Variants in CELF1 observed in about 807,000 individuals in gnomAD.
CELF1 encodes CUGBP Elav-like family member 1, also known as 50 kDa nuclear polyadenylated RNA-binding protein.
Under a neutral mutation model 61.8 loss-of-function variants are expected in CELF1, and 10 were observed. The observed-to-expected ratio is 0.16, with a 90% CI of 0.10 to 0.27. The LOEUF is 0.27. Ranked by LOEUF, CELF1 falls within the 10% of genes least tolerant of loss-of-function variation. CELF1 has a pLI of 1.00. For missense variants in CELF1, 380 were observed against 639.1 expected (o/e 0.59, Z 4.37); for synonymous variants, 236 against 225.1 (o/e 1.05, Z -0.43).
intron 3 of CELF1, among the ~76,000 whole-genome samples, chr11:47,495,377 T>C (rs1362874133): frequency 1.3e-5 from 2 of 151,992 alleles, no homozygotes; most frequent in Non-Finnish European, 2.9e-5. Flanking sequence ...TGCTTAGGAA[T>C]GGGGATGGGG....
intron 2 of CELF1, 131 bp downstream of exon 2, chr11:47,500,730 T>G: frequency 2.5e-6 from 1 of 393,856 alleles, no homozygotes; most frequent in Admixed American, 4.4e-5. Context: ...CGTTCTCAAT[T>G]TAGCTCCACA....
chr11:47,538,034 G>C (rs1285951930), intron 1 of CELF1, among the ~76,000 whole-genome samples: 1 of 151,478 alleles, frequency 6.6e-6, no homozygotes, highest in Non-Finnish European at 1.5e-5. Context: ...TCCTGCCTCA[G>C]CCTCCCAAAT....
intron 2 of CELF1, among the ~76,000 whole-genome samples, chr11:47,562,889 T>C (rs935604460): frequency 2.0e-5 from 3 of 151,966 alleles, no homozygotes; most frequent in Admixed American, 6.6e-5. Flanking sequence ...ATTTTTTTAG[T>C]AGAGACGGGG....
chr11:47,492,433 A>G (rs1265636366), intron 3 of CELF1, among the ~76,000 whole-genome samples: 2 of 152,100 alleles, frequency 1.3e-5, no homozygotes, highest in African/African-American at 2.4e-5. Flanking sequence ...TACCATGATG[A>G]AAAAAAGCCC....
chr11:47,561,536 A>T (rs192392619), intron 2 of CELF1, among the ~76,000 whole-genome samples: 2 of 152,252 alleles, frequency 1.3e-5, no homozygotes, highest in South Asian at 2.1e-4. Context: ...AGTGTTGGCA[A>T]CCATGTGGCA....
At chr11:47,473,571 G>A (rs919678518) in intron 13 of CELF1, among the ~76,000 whole-genome samples, 3 of 152,144 alleles carry the variant, frequency 2.0e-5, no homozygotes, top group African/African-American at 7.2e-5. Flanking sequence ...AAGAGGAGGT[G>A]AAAAGGGGTT....
At chr11:47,558,582 T>C (rs1437369312) in intron 2 of CELF1, among the ~76,000 whole-genome samples, 1 of 114,960 alleles carries the variant, frequency 8.7e-6, no homozygotes, top group Admixed American at 1.2e-4. Flanking sequence ...TAAATATATA[T>C]ATATATTTAT....
intron 1 of CELF1, among the ~76,000 whole-genome samples, chr11:47,518,799 T>C (rs1290223570): frequency 1.3e-5 from 2 of 152,142 alleles, no homozygotes; most frequent in Non-Finnish European, 2.9e-5. Flanking sequence ...CAACAGTCTT[T>C]CCTTAGCACT....
chr11:47,472,501 C>G, intron 14 of CELF1, 144 bp from the exon 15 acceptor site: 1 of 863,814 alleles, frequency 1.2e-6, no homozygotes, highest in Non-Finnish European at 1.8e-6. Flanking sequence ...TTATGTCATA[C>G]GAAATAAATT....
In CELF1 at chr11:47,499,462, G is replaced by A; in HGVS notation, c.62C>T (p.Ser21Phe). The A allele has an allele frequency of 6.5e-7, 1 of 1,535,574 alleles. No individual in the cohort carries two copies. Among genetic ancestry groups the A allele is most frequent in the Non-Finnish European group, 8.7e-7 (1 of 1,146,466 alleles). ...EMMVDHCSLN[S>F]SPVSKKMNGT... Reference sequence around the variant, plus strand: ...CAACAAAAATACTTACACGGGACTGGAATTCAAAGAGCAATGATCCACCAT... The same window carrying A: ...CAACAAAAATACTTACACGGGACTGAAATTCAAAGAGCAATGATCCACCAT... The change falls in exon 3 of 15, where the codon TCC becomes TTC. Residue 21 changes from serine (S) to phenylalanine (F), a missense_variant. Physicochemically the swap from Ser to Phe is radical, Grantham distance 155. Coordinates refer to ENST00000687097, the MANE Select transcript of CELF1 (RefSeq NM_001376376.1).
chr11:47,478,183 CAA>C (rs1486885255), intron 10 of CELF1, among the ~76,000 whole-genome samples: 1 of 152,178 alleles, frequency 6.6e-6, no homozygotes, highest in Non-Finnish European at 1.5e-5. Flanking sequence ...TTTCCTGAGA[CAA>C]AGTGAATGAC....
intron 1 of CELF1, chr11:47,524,071 T>TG (rs1285075558): frequency 6.6e-6 from 1 of 152,164 alleles, no homozygotes; most frequent in African/African-American, 2.4e-5. Flanking sequence ...TAGGTTGCTG[T>TG]GGGGCCCAAA....
At chr11:47,518,746 C>A (rs1404765708) in intron 1 of CELF1, among the ~76,000 whole-genome samples, 1 of 152,188 alleles carries the variant, frequency 6.6e-6, no homozygotes, top group Non-Finnish European at 1.5e-5. Context: ...CTCTGTGAGG[C>A]TGCTCCACCT....
At chr11:47,488,568 AC>A (rs909622529) in intron 4 of CELF1, among the ~76,000 whole-genome samples, 14 of 152,302 alleles carry the variant, frequency 9.2e-5, no homozygotes, top group African/African-American at 2.9e-4. Flanking sequence ...ACTGCCCAAG[AC>A]CCAATTTACA....
At chr11:47,546,561 A>T (rs1191492419) in intron 1 of CELF1, among the ~76,000 whole-genome samples, 2 of 152,042 alleles carry the variant, frequency 1.3e-5, no homozygotes, top group Non-Finnish European at 2.9e-5. Flanking sequence ...AAACTGAGAG[A>T]CCTATGAGTA....
chr11:47,472,082 A>G lies in CELF1; in HGVS notation c.*148T>C. ...AAACTCCCACAGAAGGCAGTAGCCG[A>G]GTCTTCAGGGCAAGCTGTGCCTGCG... On this transcript the variant is annotated 3_prime_UTR_variant, in exon 15 of 15. Coordinates refer to ENST00000687097, the MANE Select transcript of CELF1 (RefSeq NM_001376376.1). 2 of 862,628 alleles carry G rather than the reference A, an allele frequency of 2.3e-6. No homozygotes were observed. The highest frequency in any genetic ancestry group is 3.6e-6 in the Non-Finnish European group (2 of 560,562). 53.4% of individuals were successfully genotyped at this position (862,628 alleles called of 1,614,324 possible). A position where few individuals can be genotyped will look rare whatever the true frequency, so the allele number is the denominator to read the frequency against.
At chr11:47,523,095 C>G (rs1167030419) in intron 1 of CELF1, among the ~76,000 whole-genome samples, 1 of 148,068 alleles carries the variant, frequency 6.8e-6, no homozygotes, top group Admixed American at 6.7e-5. Context: ...TCCATCAAAC[C>G]AAAAAAAAAA....
intron 3 of CELF1, among the ~76,000 whole-genome samples, chr11:47,489,932 C>CTTTTTTTTTT (rs530410346): frequency 5.5e-4 from 13 of 23,438 alleles, no homozygotes; most frequent in African/African-American, 1.7e-3. Context: ...AACATACCAT[C>CTTTTTTTTTT]TTGTTTTTTT....
At chr11:47,477,499 C>A in intron 10 of CELF1, 74 bp from the exon 11 acceptor site, 1 of 1,518,802 alleles carries the variant, frequency 6.6e-7, no homozygotes, top group Non-Finnish European at 9.0e-7. Context: ...GACAAGCACA[C>A]ACTGGCAGAG....
Sources: allele counts gnomAD v4.1 joint callset (sites outside exome capture counted in the v4.1 genomes callset), GRCh38; gene constraint gnomAD v4.1.1; transcripts MANE v1.5; gene names NCBI Gene and HGNC (gene_info 2026-07-23, HGNC 2026-07-21).